Variants in CHCHD6 observed in about 807,000 individuals in gnomAD.
CHCHD6 encodes MICOS complex subunit MIC25.
In CHCHD6, 28 loss-of-function variants were observed where a neutral mutation model predicts 32.3. The observed-to-expected ratio is 0.87, with a 90% CI of 0.64 to 1.19. CHCHD6 has a LOEUF of 1.19. Among genes scored for constraint, CHCHD6 ranks in the 50% most tolerant of loss-of-function variants. The pLI is 0.00. For synonymous variants in CHCHD6, 122 were observed against 117.5 expected, an observed-to-expected ratio of 1.04 and a Z score of -0.25; for missense variants, 333 against 307.0, an observed-to-expected ratio of 1.08 and a Z score of -0.63.
chr3:126,763,312 CT>C (rs1214825598), intron 4 of CHCHD6, among the ~76,000 whole-genome samples: 63 of 136,592 alleles, frequency 4.6e-4, no homozygotes, highest in African/African-American at 1.6e-3. Context: ...CTCTTCTCCC[CT>C]TTTTCCCCCT....
intron 4 of CHCHD6, among the ~76,000 whole-genome samples, chr3:126,764,770 G>C (rs1937297104): frequency 6.6e-6 from 1 of 152,226 alleles, no homozygotes; most frequent in Non-Finnish European, 1.5e-5. Context: ...CAGGCAAACG[G>C]ATCAGGCTGT....
At chr3:126,774,490 T>C (rs1416701550) in intron 4 of CHCHD6, among the ~76,000 whole-genome samples, 7 of 152,198 alleles carry the variant, frequency 4.6e-5, no homozygotes, top group Non-Finnish European at 1.0e-4. Context: ...TGTCACTTTA[T>C]TACTTGTAAA....
chr3:126,710,440 G>A (rs892696994), intron 1 of CHCHD6, among the ~76,000 whole-genome samples: 6 of 152,124 alleles, frequency 3.9e-5, no homozygotes, highest in Admixed American at 2.0e-4. Flanking sequence ...TTCTGAATAC[G>A]TTTTAGGATA....
chr3:126,883,061 C>G (rs2077632224), intron 5 of CHCHD6, among the ~76,000 whole-genome samples: 1 of 152,164 alleles, frequency 6.6e-6, no homozygotes, highest in Non-Finnish European at 1.5e-5. Flanking sequence ...CATAATGAAG[C>G]CTCTATAAAA....
At chr3:126,776,713 G>A (rs1414387692) in intron 4 of CHCHD6, among the ~76,000 whole-genome samples, 1 of 152,104 alleles carries the variant, frequency 6.6e-6, no homozygotes, top group Non-Finnish European at 1.5e-5. Flanking sequence ...ATTCAATTCT[G>A]AGGTGAATTT....
chr3:126,869,910 C>G (rs2077442540), intron 5 of CHCHD6, among the ~76,000 whole-genome samples: 1 of 152,112 alleles, frequency 6.6e-6, no homozygotes, highest in Non-Finnish European at 1.5e-5. Context: ...TTTCTGAAAT[C>G]CTGTTTTATT....
chr3:126,896,293 T>G (rs1427405142), intron 5 of CHCHD6, among the ~76,000 whole-genome samples: 1 of 152,210 alleles, frequency 6.6e-6, no homozygotes, highest in Non-Finnish European at 1.5e-5. Context: ...ATGTTCTCTC[T>G]CCTCTGCTCT....
chr3:126,879,596 A>G (rs1304404231), intron 5 of CHCHD6, among the ~76,000 whole-genome samples: 2 of 152,242 alleles, frequency 1.3e-5, no homozygotes, highest in African/African-American at 2.4e-5. Flanking sequence ...CTTTAGATTA[A>G]AGGAGGATAA....
chr3:126,782,987 AG>A (rs1452404381), intron 4 of CHCHD6, among the ~76,000 whole-genome samples: 2 of 152,196 alleles, frequency 1.3e-5, no homozygotes, highest in African/African-American at 4.8e-5. Context: ...TTTATTGAAT[AG>A]GGAGTCATTT....
intron 5 of CHCHD6, among the ~76,000 whole-genome samples, chr3:126,864,957 C>T (rs1274820050): frequency 6.6e-6 from 1 of 151,110 alleles, no homozygotes; most frequent in Non-Finnish European, 1.5e-5. Context: ...TCATCTCCTC[C>T]TCCATCACCA....
chr3:126,790,123 CT>C (rs1261505203), intron 4 of CHCHD6, among the ~76,000 whole-genome samples: 11 of 152,098 alleles, frequency 7.2e-5, no homozygotes, highest in African/African-American at 2.2e-4. Context: ...GTTGAAAATT[CT>C]TTTCTTTAAG....
At chr3:126,959,856 T>G (rs1283939645) in intron 7 of CHCHD6, among the ~76,000 whole-genome samples, 1 of 152,184 alleles carries the variant, frequency 6.6e-6, no homozygotes, top group Non-Finnish European at 1.5e-5. Flanking sequence ...TGGGTTAGAC[T>G]CTTCTATATC....
chr3:126,815,870 C>T (rs80014001), intron 4 of CHCHD6, among the ~76,000 whole-genome samples: 2,883 of 152,250 alleles, frequency 0.019, 98 homozygotes, highest in African/African-American at 0.065. Context: ...AAGGAAGAGA[C>T]GCTCACCTCT....
At chr3:126,938,485 G>T (rs1035308260) in intron 6 of CHCHD6, among the ~76,000 whole-genome samples, 6 of 152,168 alleles carry the variant, frequency 3.9e-5, no homozygotes, top group African/African-American at 1.4e-4. Context: ...TTCGATAAAT[G>T]GTAGCTGTTC....
chr3:126,852,717 G>T lies in CHCHD6; in HGVS notation c.482G>T (p.Arg161Leu). The change falls in exon 5 of 8, where the codon CGT (arginine) becomes CTT (leucine). Residue 161 changes from arginine (R) to leucine (L), a missense_variant. By Grantham distance (102) the Arg-to-Leu change is moderately radical. Transcript: ENST00000290913. The part of the protein sequence containing the change: ...RDTFYKEQLE[R>L]IERKNAEMYK... ...ACCTTCTACAAGGAGCAGCTGGAGC[G>T]TATTGAGAGGAAGGTAAGACTCCTG... The T allele has an allele frequency of 6.2e-7, 1 of 1,612,176 alleles. No individual in the cohort carries two copies. Among genetic ancestry groups the T allele is most frequent in the Non-Finnish European group, 8.5e-7 (1 of 1,178,458 alleles).
chr3:126,816,450 C>A (rs1050195004), intron 4 of CHCHD6, among the ~76,000 whole-genome samples: 1 of 152,174 alleles, frequency 6.6e-6, no homozygotes, highest in Non-Finnish European at 1.5e-5. Context: ...CAGAGGCGCT[C>A]AGCACTGGAC....
chr3:126,832,717 T>C (rs182148947), intron 4 of CHCHD6, among the ~76,000 whole-genome samples: 30 of 152,340 alleles, frequency 2.0e-4, no homozygotes, highest in Admixed American at 1.6e-3. Flanking sequence ...CTTTCCACTT[T>C]GTAGCATCTT....
At chr3:126,926,587 A>G (rs931475825) in intron 6 of CHCHD6, among the ~76,000 whole-genome samples, 1 of 152,114 alleles carries the variant, frequency 6.6e-6, no homozygotes, top group African/African-American at 2.4e-5. Context: ...CTGGAGTATT[A>G]GGGGAAAGAT....
At chr3:126,781,424 C>G (rs1214955648) in intron 4 of CHCHD6, among the ~76,000 whole-genome samples, 1 of 152,182 alleles carries the variant, frequency 6.6e-6, no homozygotes, top group Non-Finnish European at 1.5e-5. Flanking sequence ...TGAAGTAGAA[C>G]TAGATCCCTG....
Sources: allele counts gnomAD v4.1 joint callset (sites outside exome capture counted in the v4.1 genomes callset), GRCh38; gene constraint gnomAD v4.1.1; transcripts MANE v1.5; gene names NCBI Gene and HGNC (gene_info 2026-07-23, HGNC 2026-07-21).